Variants in KIAA1671 observed in about 807,000 individuals in gnomAD.
KIAA1671 encodes uncharacterized protein KIAA1671.
Under a neutral mutation model 131.2 loss-of-function variants are expected in KIAA1671, and 52 were observed. The ratio of observed to expected loss-of-function variants is 0.40; its 90% confidence interval spans 0.32 to 0.50. KIAA1671 has a LOEUF of 0.50. Ranked by LOEUF, KIAA1671 falls within the 20% of genes least tolerant of loss-of-function variation. The pLI is 0.73. For synonymous variants in KIAA1671, 1,003 were observed against 961.6 expected, an observed-to-expected ratio of 1.04 and a Z score of -0.80; for missense variants, 2,360 against 2,364.2, an observed-to-expected ratio of 1.00 and a Z score of 0.04.
intron 1 of KIAA1671, among the ~76,000 whole-genome samples, chr22:24,954,369 C>T (rs577479821): frequency 7.4e-4 from 113 of 152,168 alleles, no homozygotes; most frequent in South Asian, 1.7e-3. Context: ...GGACAGTTCC[C>T]GAGGAATTTG....
intron 6 of KIAA1671, among the ~76,000 whole-genome samples, chr22:25,164,392 G>C (rs559225664): frequency 2.0e-5 from 3 of 152,174 alleles, no homozygotes; most frequent in African/African-American, 4.8e-5. Flanking sequence ...CAGGGGGTCC[G>C]TCCAGGTGTA....
At position 25,040,475 on chromosome 22, in the gene KIAA1671, G is replaced by T; in HGVS notation, c.3345G>T (p.Trp1115Cys). The T allele has an allele frequency of 6.4e-7, 1 of 1,551,982 alleles. No individual in the cohort carries two copies. Among genetic ancestry groups the T allele is most frequent in the East Asian group, 2.4e-5 (1 of 40,924 alleles). ...PTDRPSSLGAWSLDPFNGRII... is the reference protein window; with the variant it reads ...PTDRPSSLGACSLDPFNGRII... ...ACCGTCCATCATCTCTTGGGGCCTG[G>T]AGTCTGGACCCTTTCAATGGAAGAA... is the stretch of plus-strand genomic sequence containing the variant. Residue 1115 changes from tryptophan to cysteine, a missense_variant, in exon 5 of 13, where the codon TGG becomes TGT. Physicochemically the swap from Trp to Cys is radical, Grantham distance 215. This residue lies in a region of KIAA1671 where 1,161 missense variants were observed against 1,204.7 expected (regional missense o/e 0.96). Transcript: ENST00000358431.
At chr22:24,957,889 G>T (rs1232747977) in intron 1 of KIAA1671, among the ~76,000 whole-genome samples, 1 of 150,842 alleles carries the variant, frequency 6.6e-6, no homozygotes, top group South Asian at 2.1e-4. Context: ...TGTTGGTCAG[G>T]CTGGTCTCGA....
chr22:24,977,544 T>C (rs749055059), intron 1 of KIAA1671, among the ~76,000 whole-genome samples: 1 of 152,192 alleles, frequency 6.6e-6, no homozygotes, highest in Non-Finnish European at 1.5e-5. Context: ...CCTCTAACTC[T>C]GATTAGCTCA....
chr22:25,080,767 C>T (rs1390618188), intron 6 of KIAA1671, among the ~76,000 whole-genome samples: 1 of 152,152 alleles, frequency 6.6e-6, no homozygotes, highest in Non-Finnish European at 1.5e-5. Context: ...GACCACTGCC[C>T]TGCCTGTTAG....
At chr22:25,067,625 C>T (rs912068535) in intron 6 of KIAA1671, among the ~76,000 whole-genome samples, 3 of 152,106 alleles carry the variant, frequency 2.0e-5, no homozygotes, top group Admixed American at 1.3e-4. Flanking sequence ...CTCTGCCCTG[C>T]GCCTGGCCTG....
intron 6 of KIAA1671, among the ~76,000 whole-genome samples, chr22:25,093,351 G>A (rs771765096): frequency 2.6e-5 from 4 of 152,122 alleles, no homozygotes; most frequent in Admixed American, 6.5e-5. Context: ...ACCTTGCAGG[G>A]CTGTTAGTGG....
intron 6 of KIAA1671, among the ~76,000 whole-genome samples, chr22:25,082,203 C>A (rs538273524): frequency 9.2e-4 from 140 of 152,294 alleles, no homozygotes; most frequent in African/African-American, 2.9e-3. Context: ...CTTGTGCCAG[C>A]CACCACCCCC....
intron 6 of KIAA1671, among the ~76,000 whole-genome samples, chr22:25,078,636 C>T (rs1397176073): frequency 6.6e-6 from 1 of 152,228 alleles, no homozygotes; most frequent in African/African-American, 2.4e-5. Context: ...GTGCCTGGCA[C>T]TCCATACGCA....
rs1418717428 is a variant in KIAA1671 at position 25,040,731 on chromosome 22, A to C, written c.3601A>C (p.Ile1201Leu). ...RDGYRSSVLD[I>L]DALMAEYQEL... ...TGGCTACAGATCCAGCGTTCTTGAC[A>C]TTGACGCCCTGATGGCAGAGTACCA... The change falls in exon 5 of 13, where the codon ATT (isoleucine) becomes CTT (leucine). Residue 1201 changes from isoleucine (I) to leucine (L), a missense_variant. By Grantham distance (5) the Ile-to-Leu change is conservative. Coordinates refer to ENST00000358431, the MANE Select transcript of KIAA1671 (RefSeq NM_001145206.2). 1.3e-6 allele frequency: 2 copies of C among 1,551,910 alleles called. No individual in the cohort carries two copies. The highest frequency in any genetic ancestry group is 1.7e-6 in the Non-Finnish European group (2 of 1,147,090).
At chr22:24,963,918 T>G (rs1922154860) in intron 1 of KIAA1671, among the ~76,000 whole-genome samples, 1 of 136,962 alleles carries the variant, frequency 7.3e-6, no homozygotes, top group African/African-American at 2.8e-5. Context: ...CCAGCCTGGG[T>G]GACAGAGCGA....
intron 6 of KIAA1671, among the ~76,000 whole-genome samples, chr22:25,147,671 C>T (rs1409466526): frequency 6.6e-6 from 1 of 152,124 alleles, no homozygotes; most frequent in Admixed American, 6.6e-5. Context: ...TCATAACATT[C>T]CCTCCTCTCC....
rs567638019 is a variant in KIAA1671 at position 25,196,957 on chromosome 22, C to A, written c.*4556C>A. ...GTGGAAATATATATATATACACACA[C>A]ACACAGAGACACACACACACACAAG... is the stretch of plus-strand genomic sequence containing the variant. On this transcript the variant is annotated 3_prime_UTR_variant, in exon 13 of 13. Coordinates refer to ENST00000358431, the MANE Select transcript of KIAA1671 (RefSeq NM_001145206.2). 3 of 152,214 alleles carry A rather than the reference C, an allele frequency of 2.0e-5. No homozygotes were observed. In the East Asian group the frequency reaches 5.8e-4, roughly 29 times the overall value. The allele number at this position is 152,214 out of a possible 1,614,324, so 9.4% of individuals were successfully genotyped here.
At chr22:25,019,000 C>G (rs1226291230) in intron 1 of KIAA1671, among the ~76,000 whole-genome samples, 6 of 151,592 alleles carry the variant, frequency 4.0e-5, no homozygotes, top group Non-Finnish European at 4.4e-5. Flanking sequence ...ATTCACAACA[C>G]CAGCAAGGTA....
intron 1 of KIAA1671, among the ~76,000 whole-genome samples, chr22:24,991,914 G>A (rs1217855933): frequency 1.3e-5 from 2 of 152,150 alleles, no homozygotes; most frequent in Non-Finnish European, 2.9e-5. Context: ...TCTTGTTTGA[G>A]TTGTTATTTC....
rs1926814122 is a variant in KIAA1671 at position 25,039,834 on chromosome 22, C to T, written c.2704C>T (p.His902Tyr). ...GCCTTCTGACTCCCAAGCACGAACA[C>T]ATCCAGATGCATTTGCTGTGCAGAA... ...NGPSDSQART[H>Y]PDAFAVQKGP... Residue 902 changes from histidine (H) to tyrosine (Y), a missense_variant, in exon 5 of 13, where the codon CAT (histidine) becomes TAT (tyrosine). Around this residue, in one of 3 missense-constraint regions of KIAA1671, gnomAD observed 1,161 missense variants for 1,204.7 expected, o/e 0.96. Transcript: ENST00000358431. 3.9e-6 allele frequency: 6 copies of T among 1,546,762 alleles called. No individual in the cohort carries two copies. The highest frequency in any genetic ancestry group is 2.0e-5 in the Admixed American group (1 of 50,550).
chr22:24,955,887 A>G (rs1281125096), intron 1 of KIAA1671, among the ~76,000 whole-genome samples: 1 of 152,060 alleles, frequency 6.6e-6, no homozygotes, highest in Non-Finnish European at 1.5e-5. Flanking sequence ...TTAGCCAGGC[A>G]TGGGGCAGGT....
intron 6 of KIAA1671, among the ~76,000 whole-genome samples, chr22:25,146,046 T>C (rs1932873665): frequency 6.6e-6 from 1 of 152,266 alleles, no homozygotes; most frequent in East Asian, 1.9e-4. Flanking sequence ...ATGAATGCAG[T>C]TCTCTTTAAA....
intron 1 of KIAA1671, among the ~76,000 whole-genome samples, chr22:24,987,212 C>T (rs1444301910): frequency 6.6e-6 from 1 of 150,720 alleles, no homozygotes; most frequent in East Asian, 1.9e-4. Context: ...GCCCTGTTGC[C>T]CAGGCTAGAG....
Sources: allele counts gnomAD v4.1 joint callset (sites outside exome capture counted in the v4.1 genomes callset), GRCh38; gene constraint gnomAD v4.1.1; regional missense constraint gnomAD v4.1.1; transcripts MANE v1.5; gene names NCBI Gene and HGNC (gene_info 2026-07-23, HGNC 2026-07-21).